Variants in DNAH9 observed in about 807,000 individuals in gnomAD.
The protein encoded by DNAH9 is DNAH9 variant protein.
Under a neutral mutation model 471.6 loss-of-function variants are expected in DNAH9, and 345 were observed. The observed-to-expected ratio is 0.73, with a 90% CI of 0.67 to 0.80. The LOEUF is 0.80. Among genes scored for constraint, DNAH9 ranks in the 30% least tolerant of loss-of-function variants. The probability of loss-of-function intolerance (pLI) is 0.00; values close to 1 mark genes in which losing one functional copy is unlikely to be tolerated. For missense variants in DNAH9, 5,407 were observed against 5,609.2 expected, an observed-to-expected ratio of 0.96 and a Z score of 1.15; for synonymous variants, 2,093 against 2,123.6, an observed-to-expected ratio of 0.99 and a Z score of 0.40.
At chr17:11,880,028 C>G in intron 53 of DNAH9, 50 bp from the exon 54 acceptor site, 1 of 1,608,740 alleles carries the variant, frequency 6.2e-7, no homozygotes, top group Non-Finnish European at 8.5e-7. Flanking sequence ...GGTCTCAACT[C>G]CATAGCTTGC....
In DNAH9 at chr17:11,719,367, G is replaced by A; in HGVS notation, c.5586G>A (p.Leu1862=). The A allele has an allele frequency of 6.2e-7, 1 of 1,614,102 alleles. No homozygotes were observed. Among genetic ancestry groups the A allele is most frequent in the Non-Finnish European group, 8.5e-7 (1 of 1,180,010 alleles). The change falls in exon 27 of 69, where the codon CTG becomes CTA. Residue 1862 remains leucine (L), a synonymous_variant. Transcript: ENST00000262442. ...TCACCCTCACCCAGTCCCTGCACCT[G>A]ACCATGAGTGGGGCTCCCGCAGGAC... ...CYITLTQSLH[L]TMSGAPAGPA... is the part of the protein sequence containing the mutation.
chr17:11,738,711 G>A (rs927913075), intron 28 of DNAH9, among the ~76,000 whole-genome samples, 169 bp from the exon 29 acceptor site: 7 of 152,134 alleles, frequency 4.6e-5, no homozygotes, highest in Non-Finnish European at 1.0e-4. Flanking sequence ...CATGCAACCA[G>A]GGCCTGTCAG....
chr17:11,808,487 T>G (rs1969771848), intron 44 of DNAH9, among the ~76,000 whole-genome samples: 1 of 152,170 alleles, frequency 6.6e-6, no homozygotes, highest in Non-Finnish European at 1.5e-5. Flanking sequence ...TTGCTCTTCC[T>G]GGAAGAACTC....
intron 62 of DNAH9, among the ~76,000 whole-genome samples, chr17:11,926,705 C>CTGCT (rs1472361763): frequency 1.3e-5 from 2 of 152,074 alleles, no homozygotes; most frequent in African/African-American, 4.8e-5. Context: ...GTGAATAGTG[C>CTGCT]TGCTGTGAAC....
chr17:11,923,058 T>G (rs56970828), intron 61 of DNAH9, among the ~76,000 whole-genome samples: 28,444 of 151,174 alleles, frequency 0.19, 2,749 homozygotes, highest in East Asian at 0.28. Flanking sequence ...CTTCTTTTTT[T>G]TTTGTTTGTT....
At chr17:11,947,772 ATTTTTTTT>A (rs71367359) in intron 67 of DNAH9, among the ~76,000 whole-genome samples, 64 of 108,334 alleles carry the variant, frequency 5.9e-4, no homozygotes, top group African/African-American at 2.4e-3. Flanking sequence ...GCTGGGAACT[ATTTTTTTT>A]TTTTTTTTTT....
chr17:11,770,677 A>G (rs1968171447), intron 38 of DNAH9, among the ~76,000 whole-genome samples: 1 of 152,270 alleles, frequency 6.6e-6, no homozygotes, highest in African/African-American at 2.4e-5. Flanking sequence ...AAAGATTTAC[A>G]TCAGAACTTT....
rs1973161619 is a variant in DNAH9 at position 11,894,437 on chromosome 17, C to G, written c.11347C>G (p.Gln3783Glu). The stretch of plus-strand genomic sequence containing the variant: ...GGATTTCCTGCTTCGATCTCCAGTG[C>G]AGACGGGCACCGCCAGCCCCGTGGA... ...ELDFLLRSPV[Q>E]TGTASPVEFL... Residue 3783 changes from glutamine to glutamate, a missense_variant, in exon 59 of 69, where the codon CAG becomes GAG. Gln to Glu is a conservative substitution (Grantham distance 29). Coordinates refer to ENST00000262442, the MANE Select transcript of DNAH9 (RefSeq NM_001372.4). 1 of 1,614,154 alleles carries G rather than the reference C, an allele frequency of 6.2e-7. No homozygotes were observed. Among genetic ancestry groups the G allele is most frequent in the East Asian group, 2.2e-5 (1 of 44,888 alleles).
chr17:11,793,757 G>A, intron 42 of DNAH9, 93 bp downstream of exon 42: 1 of 1,116,584 alleles, frequency 9.0e-7, no homozygotes, highest in Non-Finnish European at 1.3e-6. Context: ...GCTGTTTAAT[G>A]GAGAAAGGCC....
intron 44 of DNAH9, among the ~76,000 whole-genome samples, chr17:11,808,305 T>C (rs1276195015): frequency 6.6e-6 from 1 of 152,320 alleles, no homozygotes; most frequent in East Asian, 1.9e-4. Context: ...TTCAGTGACA[T>C]ATCCTGGTTT....
rs985822221 is a variant in DNAH9, at chr17:11,598,862, T to G, written c.364T>G (p.Cys122Gly). The change falls in exon 1 of 69, where the codon TGC becomes GGC. Residue 122 changes from cysteine to glycine, a missense_variant. Coordinates refer to ENST00000262442, the MANE Select transcript of DNAH9 (RefSeq NM_001372.4). ...GPDSFRGAVVCGDLPAAPLEH... is the reference protein window; with the variant it reads ...GPDSFRGAVVGGDLPAAPLEH... Reference sequence around the variant, plus strand: ...CGACAGCTTCCGCGGCGCAGTGGTCTGCGGGGACCTGCCCGCGGCACCTCT... The same window carrying G: ...CGACAGCTTCCGCGGCGCAGTGGTCGGCGGGGACCTGCCCGCGGCACCTCT... The G allele has an allele frequency of 1.7e-5, 26 of 1,539,392 alleles. No individual in the cohort carries two copies. The highest frequency in any genetic ancestry group is 2.2e-5 in the Non-Finnish European group (25 of 1,149,504).
At chr17:11,726,686 C>G (rs1246723983) in intron 27 of DNAH9, among the ~76,000 whole-genome samples, 1 of 152,100 alleles carries the variant, frequency 6.6e-6, no homozygotes, top group Non-Finnish European at 1.5e-5. Context: ...CTCAACCTGA[C>G]CAAAAGTTCT....
intron 45 of DNAH9, among the ~76,000 whole-genome samples, chr17:11,818,093 A>C (rs1970164764): frequency 1.3e-5 from 2 of 152,212 alleles, no homozygotes; most frequent in South Asian, 4.1e-4. Flanking sequence ...ATTACTGATC[A>C]TTTGCCAGAC....
chr17:11,806,872 T>C (rs1016239697), intron 43 of DNAH9, among the ~76,000 whole-genome samples: 1 of 152,180 alleles, frequency 6.6e-6, no homozygotes, highest in Non-Finnish European at 1.5e-5. Context: ...TGTAGCACCT[T>C]GCATAAGGTA....
chr17:11,918,860 C>A (rs915674668), intron 61 of DNAH9, among the ~76,000 whole-genome samples: 3 of 152,094 alleles, frequency 2.0e-5, no homozygotes, highest in African/African-American at 7.2e-5. Flanking sequence ...GTGGCACGTG[C>A]CTGTAATCCC....
chr17:11,675,488 G>A (rs1350631743), intron 17 of DNAH9, among the ~76,000 whole-genome samples: 2 of 152,060 alleles, frequency 1.3e-5, no homozygotes, highest in Admixed American at 1.3e-4. Context: ...AATGAAAGTG[G>A]GGATAACATA....
At chr17:11,660,322 T>TC (rs1221666978) in intron 14 of DNAH9, among the ~76,000 whole-genome samples, 1 of 114,242 alleles carries the variant, frequency 8.8e-6, no homozygotes, top group Non-Finnish European at 2.0e-5. Context: ...AATGTTTCTT[T>TC]TTTTTTTTTT....
rs1206321945 is a variant in DNAH9, at chr17:11,902,728, T to C, written c.11416T>C (p.Ser3806Pro). ...QAWGAVKVLSSMEEFSNLDRD... is the reference protein window; with the variant it reads ...QAWGAVKVLSPMEEFSNLDRD... Reference sequence around the variant, plus strand: ...CTCTGAAATTTCCCAGGTACTTTCATCAATGGAAGAATTCTCTAATCTGGA... The same window carrying C: ...CTCTGAAATTTCCCAGGTACTTTCACCAATGGAAGAATTCTCTAATCTGGA... Residue 3806 changes from serine (S) to proline (P), a missense_variant, in exon 60 of 69, where the codon TCA becomes CCA. Coordinates refer to ENST00000262442, the MANE Select transcript of DNAH9 (RefSeq NM_001372.4). 1.2e-6 allele frequency: 2 copies of C among 1,607,772 alleles called. No individual in the cohort carries two copies.
At position 11,942,406 on chromosome 17, in the gene DNAH9, C is replaced by T. The variant is rs1974953598; in HGVS notation, c.12764C>T (p.Ala4255Val). The T allele has an allele frequency of 6.2e-7, 1 of 1,614,048 alleles. No homozygotes were observed. The highest frequency in any genetic ancestry group is 8.5e-7 in the Non-Finnish European group (1 of 1,180,042). The stretch of plus-strand genomic sequence containing the variant: ...GAGCGCACCCCTTACATTGTAGTTG[C>T]CTTCCAGGAGTGTGGCCGGATGAAT... ...VEERTPYIVV[A>V]FQECGRMNIL... Residue 4255 changes from alanine to valine, a missense_variant, in exon 67 of 69, where the codon GCC becomes GTC. Ala to Val is a moderately conservative substitution (Grantham distance 64, BLOSUM62 0). Transcript: ENST00000262442.
Sources: gnomAD v4.1 joint callset for allele counts (sites outside exome capture counted in the v4.1 genomes callset) on GRCh38, gnomAD v4.1.1 for gene constraint, MANE v1.5 for transcripts, NCBI Gene and HGNC (gene_info 2026-07-23, HGNC 2026-07-21) for gene names.